Variants in USP38 observed in about 807,000 individuals in gnomAD.
USP38 encodes the protein ubiquitin carboxyl-terminal hydrolase 38.
In USP38, 49 loss-of-function variants were observed where a neutral mutation model predicts 94.3. The ratio of observed to expected loss-of-function variants is 0.52; its 90% CI spans 0.41 to 0.66. USP38 has a LOEUF of 0.66. USP38 is among the 30% of genes least tolerant of loss of function. The pLI is 0.00. For synonymous variants in USP38, 468 were observed against 463.6 expected (o/e 1.01, Z -0.12); for missense variants, 1,128 against 1,229.4 (o/e 0.92, Z 1.23).
In USP38 at chr4:143,206,206, A is replaced by G; in HGVS notation, c.1383A>G (p.Gln461=). ...GNTCYMNSVI[Q]ALFMATDFRR... The stretch of plus-strand genomic sequence containing the variant: ...CATGTTATATGAACAGTGTTATACA[A>G]GCCTTGTTTATGGCCACAGAGTAAG... The change falls in exon 6 of 10, where the codon CAA becomes CAG. Residue 461 remains glutamine (Q), a synonymous_variant. Transcript: ENST00000307017. 6.3e-7 allele frequency: 1 copy of G among 1,590,362 alleles called. No homozygotes were observed. The highest frequency in any genetic ancestry group is 8.5e-7 in the Non-Finnish European group (1 of 1,170,926).
intron 5 of USP38, among the ~76,000 whole-genome samples, chr4:143,204,753 A>G (rs527763678): frequency 1.3e-5 from 2 of 152,290 alleles, no homozygotes; most frequent in African/African-American, 4.8e-5. Context: ...AACTTACTGC[A>G]TAATCAGTGT....
intron 2 of USP38, among the ~76,000 whole-genome samples, chr4:143,194,599 C>T (rs1341049432): frequency 6.6e-6 from 1 of 152,166 alleles, no homozygotes; most frequent in African/African-American, 2.4e-5. Flanking sequence ...CCTCCGCCTC[C>T]CAGGTTCAAG....
chr4:143,214,969 T>G, intron 9 of USP38, 26 bp downstream of exon 9: 1 of 1,593,278 alleles, frequency 6.3e-7, no homozygotes, highest in Non-Finnish European at 8.6e-7. Context: ...AAGCTTTATT[T>G]GTTGAAAATA....
Position 143,214,009 on chromosome 4 carries a change from T to C in USP38, c.2033T>C (p.Ile678Thr). ...GACTCACTTGTGAATGAAAAAACCATAGGCAGTCCTCCTAATGAGTTTTAC... is the reference window on the plus strand; with the variant it reads ...GACTCACTTGTGAATGAAAAAACCACAGGCAGTCCTCCTAATGAGTTTTAC... Reference protein sequence around the residue: ...ICDSLVNEKTIGSPPNEFYCS... With the variant: ...ICDSLVNEKTTGSPPNEFYCS... Residue 678 changes from isoleucine (I) to threonine (T), a missense_variant, in exon 9 of 10, where the codon ATA (isoleucine) becomes ACA (threonine). By Grantham distance (89) the Ile-to-Thr change is moderately conservative. Transcript: ENST00000307017. 1 of 1,613,580 alleles carries C rather than the reference T, an allele frequency of 6.2e-7. No homozygotes were observed. Among genetic ancestry groups the C allele is most frequent in the Non-Finnish European group, 8.5e-7 (1 of 1,179,818 alleles).
rs761305880 is a variant in USP38 at position 143,214,654 on chromosome 4, G to C, written c.2678G>C (p.Arg893Thr). 1.9e-6 allele frequency: 3 copies of C among 1,613,698 alleles called. No individual in the cohort carries two copies. In the South Asian group the frequency reaches 3.3e-5, roughly 18 times the overall value. Residue 893 changes from arginine to threonine, a missense_variant, in exon 9 of 10, where the codon AGA (arginine) becomes ACA (threonine). Coordinates refer to ENST00000307017, the MANE Select transcript of USP38 (RefSeq NM_032557.6). ...LASSQSHLLG[R>T]DSPSAVFEQD... is the part of the protein sequence containing the mutation. ...TCCTCCCAGAGTCATTTACTAGGGAGAGATAGTCCCAGTGCAGTTTTTGAA... is the reference window on the plus strand; with the variant it reads ...TCCTCCCAGAGTCATTTACTAGGGACAGATAGTCCCAGTGCAGTTTTTGAA...
intron 3 of USP38, among the ~76,000 whole-genome samples, chr4:143,197,346 A>G (rs1731582020): frequency 6.6e-6 from 1 of 152,132 alleles, no homozygotes; most frequent in African/African-American, 2.4e-5. Flanking sequence ...TATTCATCAT[A>G]CCCTGCTTTA....
In USP38 at chr4:143,221,461, C is replaced by T. The variant is rs1732321537; in HGVS notation, c.*1005C>T. 1 of 152,440 alleles carries T rather than the reference C, an allele frequency of 6.6e-6. No individual in the cohort carries two copies. 9.4% of individuals were successfully genotyped at this position (152,440 alleles called of 1,614,324 possible). ...TCTGTCTTGATTTTGTTACTTATTC[C>T]TCAGAATATTAAACATTGATCACAT... On this transcript the variant is annotated 3_prime_UTR_variant, in exon 10 of 10. Transcript: ENST00000307017.
In USP38 at chr4:143,214,135, A is replaced by G; in HGVS notation, c.2159A>G (p.Asp720Gly). Residue 720 changes from aspartate to glycine, a missense_variant, in exon 9 of 10, where the codon GAC (aspartate) becomes GGC (glycine). Asp to Gly is a moderately conservative substitution (Grantham distance 94, BLOSUM62 -1). Transcript: ENST00000307017. ...PGGETTPSVT[D>G]LLNYFLAPEI... is the part of the protein sequence containing the mutation. Reference sequence around the variant, plus strand: ...GGTGAAACCACACCTTCAGTAACTGACTTACTAAATTATTTTTTGGCTCCA... The same window carrying G: ...GGTGAAACCACACCTTCAGTAACTGGCTTACTAAATTATTTTTTGGCTCCA... The G allele has an allele frequency of 6.2e-7, 1 of 1,612,840 alleles. No homozygotes were observed. The highest frequency in any genetic ancestry group is 8.5e-7 in the Non-Finnish European group (1 of 1,179,606).
At position 143,185,933 on chromosome 4, in the gene USP38, G is replaced by A; in HGVS notation, c.483G>A (p.Gly161=). The stretch of plus-strand genomic sequence containing the variant: ...ACTTTGTGCAATGCATCCCCAAGGG[G>A]AAATTGTCCATCACGTTCTGTCAAC... ...LTDFVQCIPK[G]KLSITFCQQL... is the part of the protein sequence containing the mutation. The change falls in exon 1 of 10, where the codon GGG becomes GGA. Residue 161 remains glycine, a synonymous_variant. Transcript: ENST00000307017. 1.2e-6 allele frequency: 2 copies of A among 1,614,184 alleles called. No homozygotes were observed. The highest frequency in any genetic ancestry group is 2.2e-5 in the East Asian group (1 of 44,870).
chr4:143,185,270 C>T lies in USP38; in HGVS notation c.-181C>T, dbSNP rs1731177131. ...CTCTCCAGGCTCGCTAGCTCCCGCC[C>T]CGGCTTGGATGGGTCTCCCTGCGCC... On this transcript the variant is annotated 5_prime_UTR_variant, in exon 1 of 10. Transcript: ENST00000307017. 6 of 688,954 alleles carry T rather than the reference C, an allele frequency of 8.7e-6. No homozygotes were observed. The highest frequency in any genetic ancestry group is 1.2e-5 in the Non-Finnish European group (5 of 426,078). The allele number at this position is 688,954 out of a possible 1,614,324, so 42.7% of individuals were successfully genotyped here. A position where few individuals can be genotyped will look rare whatever the true frequency, so the allele number is the denominator to read the frequency against.
chr4:143,213,520 T>G (rs1442194992), intron 8 of USP38, 61 bp from the exon 9 acceptor site: 16 of 1,441,580 alleles, frequency 1.1e-5, no homozygotes, highest in Non-Finnish European at 1.5e-5. Context: ...CTAATATTTT[T>G]AAATAGAAAT....
intron 1 of USP38, 121 bp from the exon 2 acceptor site, chr4:143,187,705 T>C (rs1731268850): frequency 9.4e-7 from 1 of 1,060,564 alleles, no homozygotes; most frequent in East Asian, 2.6e-5. Flanking sequence ...GGGTGTAGCA[T>C]AATAATCCTT....
intron 2 of USP38, among the ~76,000 whole-genome samples, chr4:143,193,254 CTTTCCATTTTAGATTCCTCATGGA>C (rs1471340525): frequency 1.3e-5 from 2 of 151,624 alleles, no homozygotes; most frequent in Admixed American, 1.3e-4. Context: ...TTTCTCAGCT[CTTTCCATTTTAGATTCCTCATGGA>C]TAGATTCATG....
chr4:143,200,699 G>GT (rs1731688203), intron 4 of USP38, among the ~76,000 whole-genome samples: 1 of 152,164 alleles, frequency 6.6e-6, no homozygotes, highest in African/African-American at 2.4e-5. Context: ...AGAAGTTAAT[G>GT]TAAAAAAATC....
intron 5 of USP38, 58 bp from the exon 6 acceptor site, chr4:143,205,975 A>G: frequency 3.1e-6 from 4 of 1,296,956 alleles, no homozygotes; most frequent in Non-Finnish European, 4.1e-6. Flanking sequence ...AATTAATTTA[A>G]CAACAAAAAT....
chr4:143,187,396 A>G lies in USP38; in HGVS notation c.683-430A>G, dbSNP rs1224213092. 5.3e-5 allele frequency among the ~76,000 whole-genome samples: 8 copies of G among 152,264 alleles called. No homozygotes were observed. The East Asian group carries it at 1.2e-3, about 22-fold the overall frequency. On this transcript the variant is annotated intron_variant, in intron 1 of 9. Coordinates refer to ENST00000307017, the MANE Select transcript of USP38 (RefSeq NM_032557.6). ...ATTTCTACTTTAAGAGATTTTTTCA[A>G]AATCTTCCTTAGAGGGATGTAATGA...
At chr4:143,190,444 A>G (rs1425306314) in intron 2 of USP38, among the ~76,000 whole-genome samples, 2 of 152,278 alleles carry the variant, frequency 1.3e-5, no homozygotes, top group East Asian at 1.9e-4. Flanking sequence ...GCTCCCAGTT[A>G]TGATATAGTC....
intron 5 of USP38, among the ~76,000 whole-genome samples, chr4:143,205,346 A>AT (rs1198379685): frequency 6.6e-6 from 1 of 152,194 alleles, no homozygotes; most frequent in Non-Finnish European, 1.5e-5. Context: ...AGCCCTAATG[A>AT]TTTTACCAAC....
At position 143,214,014 on chromosome 4, in the gene USP38, A is replaced by G. The variant is rs374263196; in HGVS notation, c.2038A>G (p.Ser680Gly). 2 of 1,613,526 alleles carry G rather than the reference A, an allele frequency of 1.2e-6. No individual in the cohort carries two copies. Among genetic ancestry groups the G allele is most frequent in the East Asian group, 2.2e-5 (1 of 44,856 alleles). The stretch of plus-strand genomic sequence containing the variant: ...ACTTGTGAATGAAAAAACCATAGGC[A>G]GTCCTCCTAATGAGTTTTACTGTTC... ...DSLVNEKTIGSPPNEFYCSEN... is the reference protein window; with the variant it reads ...DSLVNEKTIGGPPNEFYCSEN... The change falls in exon 9 of 10, where the codon AGT (serine) becomes GGT (glycine). Residue 680 changes from serine (S) to glycine (G), a missense_variant. Physicochemically the swap from Ser to Gly is moderately conservative, Grantham distance 56. Coordinates refer to ENST00000307017, the MANE Select transcript of USP38 (RefSeq NM_032557.6).
Sources: gnomAD v4.1 joint callset for allele counts (sites outside exome capture counted in the v4.1 genomes callset) on GRCh38, gnomAD v4.1.1 for gene constraint, MANE v1.5 for transcripts, NCBI Gene and HGNC (gene_info 2026-07-23, HGNC 2026-07-21) for gene names.